Variants in SULT1C3 observed in about 807,000 individuals in gnomAD.
The protein encoded by SULT1C3 is sulfotransferase family 1C member 3.
Under a neutral mutation model 28.4 loss-of-function variants are expected in SULT1C3, and 31 were observed. That is an observed-to-expected ratio of 1.09 (90% CI 0.82 to 1.47). SULT1C3 has a LOEUF of 1.47. SULT1C3 is among the 40% of genes most tolerant of loss of function. The probability of loss-of-function intolerance (pLI) is 0.00; values close to 1 mark genes in which losing one functional copy is unlikely to be tolerated. For synonymous variants in SULT1C3, 106 were observed against 92.2 expected (o/e 1.15, Z -0.86); for missense variants, 307 against 272.5 (o/e 1.13, Z -0.89).
chr2:108,261,765 T>A (rs1243159067), downstream of SULT1C3, among the ~76,000 whole-genome samples: 1 of 152,176 alleles, frequency 6.6e-6, no homozygotes, highest in Non-Finnish European at 1.5e-5. Flanking sequence ...CAGAGCAAAG[T>A]AACCTCCCTG....
chr2:108,258,232 C>T (rs922600054), intron 5 of SULT1C3, among the ~76,000 whole-genome samples: 3 of 152,082 alleles, frequency 2.0e-5, no homozygotes, highest in Admixed American at 6.6e-5. Flanking sequence ...TCCACTCATT[C>T]TCTTACCAAC....
chr2:108,262,367 G>A (rs1391173735), downstream of SULT1C3, among the ~76,000 whole-genome samples: 1 of 152,138 alleles, frequency 6.6e-6, no homozygotes, highest in Admixed American at 6.6e-5. Context: ...TCTACTAATT[G>A]AAAAGCAATT....
At position 108,260,667 on chromosome 2, in the gene SULT1C3, G is replaced by T. The variant is rs1415987241; in HGVS notation, c.902G>T (p.Cys301Phe). 2 of 472,018 alleles carry T rather than the reference G, an allele frequency of 4.2e-6. No individual in the cohort carries two copies. The highest frequency in any genetic ancestry group is 4.6e-5 in the Admixed American group (2 of 43,738). The allele number at this position is 472,018 out of a possible 1,614,324, so 29.2% of individuals were successfully genotyped here. ...ATGGCAGGGTCCACACTGAACTTCT[G>T]CCTGGAGATCTGAGAGGAACAACAA... ...KKMAGSTLNFCLEI is the reference protein window; with the variant it reads ...KKMAGSTLNFFLEI The change falls in exon 8 of 8, where the codon TGC (cysteine) becomes TTC (phenylalanine). Residue 301 changes from cysteine (C) to phenylalanine (F), a missense_variant. Coordinates refer to ENST00000681802, the MANE Select transcript of SULT1C3 (RefSeq NM_001320878.2).
intron 7 of SULT1C3, 56 bp from the exon 8 acceptor site, chr2:108,260,512 A>G: frequency 4.3e-6 from 2 of 460,068 alleles, no homozygotes; most frequent in South Asian, 1.6e-5. Flanking sequence ...TTCACTATAG[A>G]AAGGTTAGGT....
At chr2:108,256,650 AACC>A (rs1202513659) in intron 5 of SULT1C3, among the ~76,000 whole-genome samples, 1 of 152,232 alleles carries the variant, frequency 6.6e-6, no homozygotes, top group East Asian at 1.9e-4. Context: ...GCTTCATTAT[AACC>A]AGTCCTGACA....
At chr2:108,256,999 A>AT (rs1040648104) in intron 5 of SULT1C3, among the ~76,000 whole-genome samples, 3 of 151,874 alleles carry the variant, frequency 2.0e-5, no homozygotes, top group Non-Finnish European at 4.4e-5. Flanking sequence ...TTCTTATATG[A>AT]TTTTTTCCAA....
At chr2:108,263,662 C>A (rs1357347167), downstream of SULT1C3, among the ~76,000 whole-genome samples, 5 of 152,120 alleles carry the variant, frequency 3.3e-5, no homozygotes. Context: ...GTCTTCAGTT[C>A]ACAGGGCTTT....
chr2:108,252,549 G>A lies in SULT1C3; in HGVS notation c.301+56G>A, dbSNP rs1034057755. The A allele has an allele frequency of 9.4e-6, 15 of 1,600,524 alleles. No individual in the cohort carries two copies. The African/African-American group carries it at 2.0e-4, about 22-fold the overall frequency. The stretch of plus-strand genomic sequence containing the variant: ...TTTCACTTCAGGATTCCAGAGCAAT[G>A]TGTACTGTCTCTGATAGAGCATCCG... On this transcript the variant is annotated intron_variant, in intron 3 of 7. Coordinates refer to ENST00000681802, the MANE Select transcript of SULT1C3 (RefSeq NM_001320878.2).
At chr2:108,253,657 T>G (rs1051544686) in intron 4 of SULT1C3, among the ~76,000 whole-genome samples, 1 of 152,120 alleles carries the variant, frequency 6.6e-6, no homozygotes, top group South Asian at 2.1e-4. Context: ...TCCTATTTCA[T>G]GAAAAATTCT....
chr2:108,263,228 C>T (rs966083021), downstream of SULT1C3, among the ~76,000 whole-genome samples: 3 of 152,160 alleles, frequency 2.0e-5, no homozygotes, highest in South Asian at 6.2e-4. Context: ...ATAATCCTAA[C>T]TGGGTACTGT....
At chr2:108,244,865 T>C (rs941203195) in intron 1 of SULT1C3, among the ~76,000 whole-genome samples, 93 of 152,270 alleles carry the variant, frequency 6.1e-4, no homozygotes, top group African/African-American at 2.2e-3. Context: ...TGGGTTGATT[T>C]TGCAACACTT....
rs183302228 is a variant in SULT1C3, at chr2:108,260,670, T to C, written c.905T>C (p.Leu302Pro). 3.7e-4 allele frequency: 173 copies of C among 470,616 alleles called. No individual in the cohort carries two copies. The highest frequency in any genetic ancestry group is 3.5e-4 in the Non-Finnish European group (81 of 234,294). 29.2% of individuals were successfully genotyped at this position (470,616 alleles called of 1,614,324 possible). Residue 302 changes from leucine to proline, a missense_variant, in exon 8 of 8, where the codon CTG (leucine) becomes CCG (proline). Physicochemically the swap from Leu to Pro is moderately conservative, Grantham distance 98 (BLOSUM62 -3). Transcript: ENST00000681802. ...KMAGSTLNFCLEI is the reference protein window; with the variant it reads ...KMAGSTLNFCPEI ...GCAGGGTCCACACTGAACTTCTGCCTGGAGATCTGAGAGGAACAACAACAA... is the reference window on the plus strand; with the variant it reads ...GCAGGGTCCACACTGAACTTCTGCCCGGAGATCTGAGAGGAACAACAACAA...
intron 4 of SULT1C3, among the ~76,000 whole-genome samples, chr2:108,253,696 G>T (rs1675791706): frequency 6.6e-6 from 1 of 151,978 alleles, no homozygotes; most frequent in Admixed American, 6.6e-5. Context: ...TTGAGTCTGT[G>T]TTGCTACAAA....
At chr2:108,252,279 T>C (rs1675749079) in intron 2 of SULT1C3, 86 bp from the exon 3 acceptor site, 2 of 1,338,424 alleles carry the variant, frequency 1.5e-6, no homozygotes, top group South Asian at 3.0e-5. Flanking sequence ...AGTGCTCTCA[T>C]GTTGCTGTCT....
Position 108,247,266 on chromosome 2 carries a change from T to G in SULT1C3, c.72T>G (p.Asp24Glu), listed in dbSNP as rs1675608476. ...AACTGTTTAACATCATGGAAGTAGATGGAGTCCCTACGTTGATATTATCAA... is the reference window on the plus strand; with the variant it reads ...AACTGTTTAACATCATGGAAGTAGAGGGAGTCCCTACGTTGATATTATCAA... ...KPELFNIMEV[D>E]GVPTLILSKE... The change falls in exon 2 of 8, where the codon GAT (aspartate) becomes GAG (glutamate). Residue 24 changes from aspartate to glutamate, a missense_variant. Asp to Glu is a conservative substitution (Grantham distance 45). Transcript: ENST00000681802. The G allele has an allele frequency of 6.3e-7, 1 of 1,595,672 alleles. No individual in the cohort carries two copies. Among genetic ancestry groups the G allele is most frequent in the Admixed American group, 1.7e-5 (1 of 58,374 alleles).
At position 108,252,485 on chromosome 2, in the gene SULT1C3, A is replaced by G. The variant is rs1310717489; in HGVS notation, c.293A>G (p.Glu98Gly). The G allele has an allele frequency of 6.2e-7, 1 of 1,611,974 alleles. No individual in the cohort carries two copies. The highest frequency in any genetic ancestry group is 8.5e-7 in the Non-Finnish European group (1 of 1,178,724). The part of the protein sequence containing the change: ...AFLELKFPHK[E>G]KPDLEFVLEM... ...CTTGAACTGAAATTTCCCCATAAAG[A>G]AAAACCAGGTGAGTAATATGCACGA... Residue 98 changes from glutamate to glycine, a missense_variant, in exon 3 of 8, where the codon GAA (glutamate) becomes GGA (glycine). Glu to Gly is a moderately conservative substitution (Grantham distance 98). Transcript: ENST00000681802.
At position 108,260,698 on chromosome 2, in the gene SULT1C3, T is replaced by C. The variant is rs1286628162; in HGVS notation, c.*18T>C. On this transcript the variant is annotated 3_prime_UTR_variant, in exon 8 of 8. Coordinates refer to ENST00000681802, the MANE Select transcript of SULT1C3 (RefSeq NM_001320878.2). ...AGATCTGAGAGGAACAACAACAAACTAGGTGACAGAGACTATGCCAACTAT... is the reference window on the plus strand; with the variant it reads ...AGATCTGAGAGGAACAACAACAAACCAGGTGACAGAGACTATGCCAACTAT... 2.2e-6 allele frequency: 1 copy of C among 460,150 alleles called. No homozygotes were observed. The highest frequency in any genetic ancestry group is 4.4e-6 in the Non-Finnish European group (1 of 228,654). The allele number at this position is 460,150 out of a possible 1,614,324, so 28.5% of individuals were successfully genotyped here.
chr2:108,253,938 T>A (rs1460603022), intron 4 of SULT1C3, among the ~76,000 whole-genome samples: 1 of 151,892 alleles, frequency 6.6e-6, no homozygotes, highest in Non-Finnish European at 1.5e-5. Flanking sequence ...CAAAGTCCAG[T>A]TCATTCTTCC....
At position 108,259,044 on chromosome 2, in the gene SULT1C3, C is replaced by A; in HGVS notation, c.700C>A (p.His234Asn). The A allele has an allele frequency of 1.5e-6, 1 of 667,350 alleles. No homozygotes were observed. Among genetic ancestry groups the A allele is most frequent in the Non-Finnish European group, 2.7e-6 (1 of 364,464 alleles). The allele number at this position is 667,350 out of a possible 1,614,324, so 41.3% of individuals were successfully genotyped here. Residue 234 changes from histidine to asparagine, a missense_variant, in exon 7 of 8, where the codon CAC becomes AAC. By Grantham distance (68) the His-to-Asn change is moderately conservative. Transcript: ENST00000681802. ...AGGTGATGTTATAAACAAGATTGTC[C>A]ACCATACCTCATTTGATGTAATGAA... The part of the protein sequence containing the change: ...WSGDVINKIV[H>N]HTSFDVMKDN...
Sources: gnomAD v4.1 joint callset for allele counts (sites outside exome capture counted in the v4.1 genomes callset) on GRCh38, gnomAD v4.1.1 for gene constraint, MANE v1.5 for transcripts, NCBI Gene and HGNC (gene_info 2026-07-23, HGNC 2026-07-21) for gene names.